POU6F2: variants seen among roughly 807,000 people sequenced by gnomAD.
POU6F2 encodes POU class 6 homeobox 2, also known as POU domain, class 6, transcription factor 2.
Under a neutral mutation model 71.3 loss-of-function variants are expected in POU6F2, and 31 were observed. That is an observed-to-expected ratio of 0.43 (90% CI 0.33 to 0.59). POU6F2 has a LOEUF of 0.59. Among genes scored for constraint, POU6F2 ranks in the 20% least tolerant of loss-of-function variants. The probability of loss-of-function intolerance (pLI) is 0.04; values close to 1 mark genes in which losing one functional copy is unlikely to be tolerated. For missense variants in POU6F2, 783 were observed against 856.8 expected (o/e 0.91, Z 1.07); for synonymous variants, 347 against 355.7 (o/e 0.98, Z 0.27).
At chr7:39,166,589 G>A (rs1307501413) in intron 2 of POU6F2, among the ~76,000 whole-genome samples, 5 of 152,126 alleles carry the variant, frequency 3.3e-5, no homozygotes, top group Admixed American at 2.0e-4. Context: ...TGTGAAAGCC[G>A]GAGCCTGTCA....
chr7:39,098,269 T>C (rs1375704489), intron 2 of POU6F2, among the ~76,000 whole-genome samples: 1 of 151,996 alleles, frequency 6.6e-6, no homozygotes, highest in Non-Finnish European at 1.5e-5. Flanking sequence ...TTCATTCATT[T>C]ATTTATTTTA....
At chr7:39,095,260 A>T (rs1791431759) in intron 2 of POU6F2, among the ~76,000 whole-genome samples, 1 of 152,158 alleles carries the variant, frequency 6.6e-6, no homozygotes, top group African/African-American at 2.4e-5. Flanking sequence ...AAATTGCTCC[A>T]ATTTTCAGGT....
Position 39,274,411 on chromosome 7 carries a change from G to A in POU6F2, c.599-65231G>A, listed in dbSNP as rs1336642824. On this transcript the variant is annotated intron_variant, in intron 4 of 9. Transcript: ENST00000518318. Reference sequence around the variant, plus strand: ...TCTGAAATTGTGGCAATAATCAATAGCTTACCAACCAAAAAGAGTCCAGGA... The same window carrying A: ...TCTGAAATTGTGGCAATAATCAATAACTTACCAACCAAAAAGAGTCCAGGA... 2.7e-5 allele frequency among the ~76,000 whole-genome samples: 4 copies of A among 147,352 alleles called. No homozygotes were observed. The East Asian group carries it at 7.9e-4, about 29-fold the overall frequency.
At chr7:38,991,100 A>T (rs1262026740) in intron 1 of POU6F2, among the ~76,000 whole-genome samples, 4 of 152,158 alleles carry the variant, frequency 2.6e-5, no homozygotes. Flanking sequence ...TAAAGTCAGC[A>T]CATTAACTTG....
At chr7:39,012,487 G>C (rs1007227262) in intron 1 of POU6F2, among the ~76,000 whole-genome samples, 13 of 150,168 alleles carry the variant, frequency 8.7e-5, no homozygotes, top group African/African-American at 3.2e-4. Context: ...CCGTAGCTCA[G>C]AGTAATTTGA....
At chr7:39,088,046 C>T (rs1413051026) in intron 2 of POU6F2, among the ~76,000 whole-genome samples, 1 of 152,190 alleles carries the variant, frequency 6.6e-6, no homozygotes, top group Non-Finnish European at 1.5e-5. Flanking sequence ...TTGAAATTCT[C>T]AACTTCTGAG....
chr7:39,212,334 GA>G (rs1055641930), intron 4 of POU6F2, among the ~76,000 whole-genome samples: 1 of 152,172 alleles, frequency 6.6e-6, no homozygotes, highest in Non-Finnish European at 1.5e-5. Context: ...AGCAAGGACT[GA>G]AACAAATTCT....
chr7:39,010,517 A>G (rs1233409041), intron 1 of POU6F2, among the ~76,000 whole-genome samples: 7 of 150,106 alleles, frequency 4.7e-5, no homozygotes, highest in African/African-American at 1.5e-4. Flanking sequence ...TTGTGTCTCT[A>G]TTTCCTTCAG....
intron 4 of POU6F2, among the ~76,000 whole-genome samples, chr7:39,338,974 A>G (rs1488177768): frequency 6.6e-6 from 1 of 152,146 alleles, no homozygotes; most frequent in African/African-American, 2.4e-5. Context: ...GTCACCTGCT[A>G]TCATCCCTCC....
intron 3 of POU6F2, among the ~76,000 whole-genome samples, chr7:39,205,105 C>T (rs1355138866): frequency 3.3e-5 from 5 of 151,760 alleles, no homozygotes; most frequent in Non-Finnish European, 7.4e-5. Context: ...TCTTATTCCA[C>T]TCGCCACCAA....
chr7:39,443,511 A>G (rs1198056903), intron 7 of POU6F2, among the ~76,000 whole-genome samples: 1 of 152,200 alleles, frequency 6.6e-6, no homozygotes, highest in East Asian at 1.9e-4. Context: ...CTGATGGTGA[A>G]CCTGGTCAGA....
At chr7:38,978,241 A>G (rs190432414) in intron 1 of POU6F2, among the ~76,000 whole-genome samples, 183 bp downstream of exon 1, 2 of 152,352 alleles carry the variant, frequency 1.3e-5, no homozygotes, top group East Asian at 3.9e-4. Context: ...CTCAGCTTAA[A>G]ACTTCAATGC....
intron 2 of POU6F2, among the ~76,000 whole-genome samples, chr7:39,119,282 T>A (rs1236466801): frequency 6.6e-6 from 1 of 151,940 alleles, no homozygotes; most frequent in Admixed American, 6.6e-5. Context: ...TGGCAAAGAG[T>A]TTGAAAGAAG....
At chr7:39,021,031 G>T (rs1014218109) in intron 1 of POU6F2, among the ~76,000 whole-genome samples, 1 of 150,574 alleles carries the variant, frequency 6.6e-6, no homozygotes, top group Admixed American at 6.6e-5. Context: ...ACTCAATTTT[G>T]GATCCATTGT....
chr7:39,050,190 C>G (rs1449073069), intron 1 of POU6F2, among the ~76,000 whole-genome samples: 3 of 151,860 alleles, frequency 2.0e-5, no homozygotes, highest in African/African-American at 7.3e-5. Flanking sequence ...TTCCCCCAAC[C>G]CCCTTGCCAC....
intron 1 of POU6F2, among the ~76,000 whole-genome samples, chr7:39,057,193 G>A (rs976438493): frequency 3.9e-5 from 6 of 151,996 alleles, no homozygotes; most frequent in African/African-American, 1.4e-4. Flanking sequence ...TGTTGAAGAT[G>A]GAATTTGTGC....
At chr7:39,406,375 C>A in intron 5 of POU6F2, 1 of 554,510 alleles carries the variant, frequency 1.8e-6, no homozygotes, top group Non-Finnish European at 3.2e-6. Flanking sequence ...TAGCCCTAAA[C>A]CCAGACTCCA....
intron 1 of POU6F2, among the ~76,000 whole-genome samples, chr7:39,062,601 AT>A (rs1790680180): frequency 6.7e-6 from 1 of 149,956 alleles, no homozygotes; most frequent in Non-Finnish European, 1.5e-5. Context: ...GTACTTTGTC[AT>A]GTGCAACATC....
At chr7:39,173,819 G>C (rs1793274167) in intron 2 of POU6F2, among the ~76,000 whole-genome samples, 1 of 152,210 alleles carries the variant, frequency 6.6e-6, no homozygotes, top group Non-Finnish European at 1.5e-5. Context: ...TCTCTTCCAA[G>C]TGGTGGATGG....
Sources: gnomAD v4.1 joint callset for allele counts (sites outside exome capture counted in the v4.1 genomes callset) on GRCh38, gnomAD v4.1.1 for gene constraint, MANE v1.5 for transcripts, NCBI Gene and HGNC (gene_info 2026-07-23, HGNC 2026-07-21) for gene names.